Variants in MRPS28 observed in about 807,000 individuals in gnomAD.
MRPS28 encodes mitochondrial ribosomal protein S28.
MRPS28 carries 7 observed loss-of-function variants against 10.8 expected under a neutral mutation model. That is an observed-to-expected ratio of 0.65 (90% CI 0.37 to 1.22). The LOEUF (loss-of-function observed/expected upper bound fraction) is 1.22. MRPS28 is among the 50% of genes most tolerant of loss of function. MRPS28 has a pLI of 0.02. For missense variants in MRPS28, 265 were observed against 232.9 expected, an observed-to-expected ratio of 1.14 and a Z score of -0.90; for synonymous variants, 121 against 93.3, an observed-to-expected ratio of 1.30 and a Z score of -1.71.
intron 1 of MRPS28, among the ~76,000 whole-genome samples, chr8:80,003,860 GT>G (rs1427279592): frequency 2.6e-5 from 4 of 152,184 alleles, no homozygotes; most frequent in African/African-American, 9.7e-5. Flanking sequence ...GGCTTGGAGG[GT>G]CCCATGCCCA....
At chr8:80,029,178 A>T (rs561796930) in intron 1 of MRPS28, among the ~76,000 whole-genome samples, 11 of 152,184 alleles carry the variant, frequency 7.2e-5, no homozygotes, top group Non-Finnish European at 1.6e-4. Flanking sequence ...AATTTGTTAC[A>T]ACAGAAAATA....
chr8:79,975,426 A>G (rs1365024831), intron 2 of MRPS28, among the ~76,000 whole-genome samples: 3 of 152,216 alleles, frequency 2.0e-5, no homozygotes, highest in Non-Finnish European at 4.4e-5. Flanking sequence ...ACCAGAAATT[A>G]TAAAAGAAAA....
intron 2 of MRPS28, among the ~76,000 whole-genome samples, chr8:79,936,427 C>G (rs1425252065): frequency 6.6e-6 from 1 of 152,166 alleles, no homozygotes; most frequent in Non-Finnish European, 1.5e-5. Context: ...ATTAGCACTA[C>G]CTTTCTAAAA....
chr8:79,957,294 T>A (rs1420362467), intron 2 of MRPS28: 1 of 152,166 alleles, frequency 6.6e-6, no homozygotes, highest in Non-Finnish European at 1.5e-5. Context: ...CAGACCTTTA[T>A]GACATCATGT....
intron 1 of MRPS28, among the ~76,000 whole-genome samples, chr8:80,025,833 C>T (rs973324947): frequency 6.6e-6 from 1 of 152,118 alleles, no homozygotes; most frequent in South Asian, 2.1e-4. Context: ...AGGATTTAAA[C>T]CAAGATTGCA....
chr8:79,989,759 A>C (rs1353619956), intron 2 of MRPS28, among the ~76,000 whole-genome samples: 1 of 152,168 alleles, frequency 6.6e-6, no homozygotes, highest in Non-Finnish European at 1.5e-5. Context: ...CAAGGCACTT[A>C]GAGCCTAATA....
At chr8:79,961,193 T>C (rs1287706972) in intron 2 of MRPS28, among the ~76,000 whole-genome samples, 2 of 152,106 alleles carry the variant, frequency 1.3e-5, no homozygotes, top group East Asian at 3.9e-4. Context: ...ATATCAGAGA[T>C]CTCTACTTGA....
chr8:79,947,635 T>TG, intron 2 of MRPS28, among the ~76,000 whole-genome samples: 1 of 142,214 alleles, frequency 7.0e-6, no homozygotes, highest in Middle Eastern at 3.5e-3. Context: ...TTAAGTTTTT[T>TG]TTTTTTTTTT....
chr8:79,945,639 T>C (rs560648301), intron 2 of MRPS28, among the ~76,000 whole-genome samples: 1 of 152,224 alleles, frequency 6.6e-6, no homozygotes, highest in South Asian at 2.1e-4. Context: ...GTAAGTTTTA[T>C]ATGTATTTTA....
At chr8:80,007,394 T>A (rs1160570182) in intron 1 of MRPS28, among the ~76,000 whole-genome samples, 4 of 152,208 alleles carry the variant, frequency 2.6e-5, no homozygotes, top group African/African-American at 9.6e-5. Flanking sequence ...CCACTCTTAT[T>A]CAACACAGTG....
At chr8:79,974,734 G>A (rs1185218020) in intron 2 of MRPS28, among the ~76,000 whole-genome samples, 8 of 152,000 alleles carry the variant, frequency 5.3e-5, no homozygotes, top group Non-Finnish European at 1.0e-4. Flanking sequence ...AGGAAATGAT[G>A]ATAATATAAT....
At chr8:79,953,462 C>T (rs572864371) in intron 2 of MRPS28, among the ~76,000 whole-genome samples, 1 of 152,134 alleles carries the variant, frequency 6.6e-6, no homozygotes, top group Admixed American at 6.6e-5. Flanking sequence ...CAAAACAGTA[C>T]AAGAAGGACA....
intron 2 of MRPS28, among the ~76,000 whole-genome samples, chr8:79,991,952 C>G (rs1808377530): frequency 1.1e-5 from 1 of 94,230 alleles, no homozygotes; most frequent in Admixed American, 1.1e-4. Context: ...CTCTCTCTCT[C>G]TCTCTCTCAT....
chr8:79,982,488 G>T (rs892224699), intron 2 of MRPS28, among the ~76,000 whole-genome samples: 8 of 152,072 alleles, frequency 5.3e-5, no homozygotes, highest in Non-Finnish European at 5.9e-5. Context: ...AGCACAAGGG[G>T]TCAGGGAGTT....
At chr8:79,921,094 A>G (rs1165106323) in intron 2 of MRPS28, among the ~76,000 whole-genome samples, 1 of 152,136 alleles carries the variant, frequency 6.6e-6, no homozygotes, top group East Asian at 1.9e-4. Context: ...AAGATCAGAT[A>G]GTTGTAGATA....
chr8:80,001,379 T>C (rs970891831), intron 2 of MRPS28, among the ~76,000 whole-genome samples: 6 of 152,266 alleles, frequency 3.9e-5, no homozygotes, highest in Non-Finnish European at 1.5e-5. Flanking sequence ...GGGTAACTTT[T>C]GTATCACATA....
intron 2 of MRPS28, among the ~76,000 whole-genome samples, chr8:79,940,082 ATG>A (rs1806727086): frequency 6.6e-6 from 1 of 152,094 alleles, no homozygotes. Context: ...CCTGGGGGAT[ATG>A]TTGAAAGCTG....
intron 2 of MRPS28, among the ~76,000 whole-genome samples, chr8:79,988,489 T>G (rs893530513): frequency 2.7e-5 from 4 of 150,430 alleles, no homozygotes; most frequent in African/African-American, 9.7e-5. Context: ...TGTGATATAT[T>G]TATGGAAAAA....
intron 2 of MRPS28, among the ~76,000 whole-genome samples, chr8:79,967,597 C>A (rs1420043065): frequency 6.6e-6 from 1 of 152,116 alleles, no homozygotes; most frequent in Non-Finnish European, 1.5e-5. Flanking sequence ...ACATGTGCTA[C>A]GTGTGTGCAA....
Sources: allele counts gnomAD v4.1 joint callset (sites outside exome capture counted in the v4.1 genomes callset), GRCh38; gene constraint gnomAD v4.1.1; transcripts MANE v1.5; gene names NCBI Gene and HGNC (gene_info 2026-07-23, HGNC 2026-07-21).